DCC: variants seen among roughly 807,000 people sequenced by gnomAD.
DCC encodes netrin receptor DCC.
DCC carries 58 observed loss-of-function variants against 172.5 expected under a neutral mutation model. The observed-to-expected ratio is 0.34, with a 90% confidence interval of 0.27 to 0.42. The LOEUF (loss-of-function observed/expected upper bound fraction) is 0.42. Among genes scored for constraint, DCC ranks in the 10% least tolerant of loss-of-function variants. The pLI is 1.00. For missense variants in DCC, 1,740 were observed against 1,791.0 expected, an observed-to-expected ratio of 0.97 and a Z score of 0.51; for synonymous variants, 709 against 644.5, an observed-to-expected ratio of 1.10 and a Z score of -1.52.
intron 1 of DCC, among the ~76,000 whole-genome samples, chr18:52,488,556 C>G (rs1279880825): frequency 6.6e-6 from 1 of 151,954 alleles, no homozygotes; most frequent in African/African-American, 2.4e-5. Context: ...TAGATCTGAC[C>G]GCTGCTTTGT....
At chr18:52,818,790 A>G (rs1267277435) in intron 2 of DCC, among the ~76,000 whole-genome samples, 1 of 152,244 alleles carries the variant, frequency 6.6e-6, no homozygotes, top group African/African-American at 2.4e-5. Context: ...AACACAGATA[A>G]ATTGAAAGAG....
chr18:52,763,330 T>C (rs2037192633), intron 2 of DCC, among the ~76,000 whole-genome samples: 1 of 152,240 alleles, frequency 6.6e-6, no homozygotes, highest in Admixed American at 6.5e-5. Context: ...TGGATTTTTG[T>C]GGTCCCTTTT....
At chr18:53,334,801 G>A (rs1226542610) in intron 14 of DCC, among the ~76,000 whole-genome samples, 17 of 152,188 alleles carry the variant, frequency 1.1e-4, no homozygotes. Context: ...ATTCCATTAT[G>A]TGTATATACC....
intron 1 of DCC, among the ~76,000 whole-genome samples, chr18:52,474,854 G>A (rs1472684230): frequency 1.3e-5 from 2 of 152,158 alleles, no homozygotes; most frequent in African/African-American, 4.8e-5. Flanking sequence ...ACAGTGAAAT[G>A]GGGACCCCAA....
chr18:53,261,872 GTCT>G (rs1392333391), intron 12 of DCC, among the ~76,000 whole-genome samples: 1 of 152,126 alleles, frequency 6.6e-6, no homozygotes, highest in Non-Finnish European at 1.5e-5. Flanking sequence ...TCTTTAGCTA[GTCT>G]TCTTCAGAAA....
At chr18:53,412,624 C>T (rs1428333311) in intron 20 of DCC, among the ~76,000 whole-genome samples, 4 of 146,674 alleles carry the variant, frequency 2.7e-5, no homozygotes, top group Non-Finnish European at 6.1e-5. Context: ...GCTTAGATGT[C>T]CCGAAGCTGA....
intron 1 of DCC, among the ~76,000 whole-genome samples, chr18:52,682,676 G>A (rs770351230): frequency 1.3e-4 from 20 of 152,052 alleles, no homozygotes; most frequent in Non-Finnish European, 2.2e-4. Flanking sequence ...TAATTAACAC[G>A]AAGCAGACAA....
chr18:52,809,664 G>T (rs1437231603), intron 2 of DCC, among the ~76,000 whole-genome samples: 1 of 152,146 alleles, frequency 6.6e-6, no homozygotes, highest in Non-Finnish European at 1.5e-5. Context: ...AAACAGCAGT[G>T]GGGGACGGTG....
At chr18:52,788,803 AC>A (rs879583187) in intron 2 of DCC, among the ~76,000 whole-genome samples, 1 of 152,006 alleles carries the variant, frequency 6.6e-6, no homozygotes, top group Non-Finnish European at 1.5e-5. Flanking sequence ...GCAAAGACAG[AC>A]CCCCCAAAAA....
intron 12 of DCC, among the ~76,000 whole-genome samples, chr18:53,277,471 A>G (rs1438083866): frequency 6.6e-6 from 1 of 152,192 alleles, no homozygotes; most frequent in Non-Finnish European, 1.5e-5. Flanking sequence ...TCAACATTCC[A>G]ATAGTTGACA....
At chr18:53,124,157 C>G (rs2043521758) in intron 7 of DCC, among the ~76,000 whole-genome samples, 1 of 152,040 alleles carries the variant, frequency 6.6e-6, no homozygotes, top group African/African-American at 2.4e-5. Flanking sequence ...TTGTTCTTAA[C>G]CAATTGCTTT....
chr18:52,539,911 C>A lies in DCC; in HGVS notation c.91+199033C>A, dbSNP rs531125025. On this transcript the variant is annotated intron_variant, in intron 1 of 28. Coordinates refer to ENST00000442544, the MANE Select transcript of DCC (RefSeq NM_005215.4). ...AAAATAAACAACAACAACAAAAAAA[C>A]CCACAAAATTTAGGTATCACTAGGT... 7.9e-5 allele frequency among the ~76,000 whole-genome samples: 12 copies of A among 152,110 alleles called. No homozygotes were observed. The East Asian group carries it at 1.7e-3, about 22-fold the overall frequency.
chr18:53,090,832 A>C (rs1206510313), intron 7 of DCC, among the ~76,000 whole-genome samples: 2 of 151,068 alleles, frequency 1.3e-5, no homozygotes, highest in Non-Finnish European at 2.9e-5. Flanking sequence ...ATGTCTTAGG[A>C]CGTAGGACAA....
Position 52,807,801 on chromosome 18 carries a change from G to A in DCC, c.412+55427G>A, listed in dbSNP as rs9947462. Among the ~76,000 whole-genome samples the A allele has an allele frequency of 3.5e-3, 531 of 152,242 alleles. 8 individuals are homozygous for A. Among genetic ancestry groups the A allele is most frequent in the African/African-American group, 0.012 (501 of 41,526 alleles). ...TGCGAAATGCTGCTTTAACATAGGT[G>A]CAGATTTAAAGAGTTTAATGTGATT... On this transcript the variant is annotated intron_variant, in intron 2 of 28. Coordinates refer to ENST00000442544, the MANE Select transcript of DCC (RefSeq NM_005215.4).
At chr18:52,771,932 T>C (rs935173901) in intron 2 of DCC, among the ~76,000 whole-genome samples, 2 of 151,996 alleles carry the variant, frequency 1.3e-5, no homozygotes, top group African/African-American at 4.8e-5. Context: ...AGTGAGGCTG[T>C]TGTCTTTATT....
At chr18:52,927,247 A>G (rs926400024) in intron 5 of DCC, among the ~76,000 whole-genome samples, 1 of 137,950 alleles carries the variant, frequency 7.2e-6, no homozygotes, top group Non-Finnish European at 1.6e-5. Flanking sequence ...TTATATGTAC[A>G]TATACACATA....
intron 2 of DCC, among the ~76,000 whole-genome samples, chr18:52,826,112 A>G (rs371627930): frequency 5.6e-4 from 85 of 152,360 alleles, no homozygotes; most frequent in African/African-American, 1.9e-3. Context: ...ACATTTACTG[A>G]AGATGCTATT....
At chr18:52,638,890 C>T (rs1418400963) in intron 1 of DCC, among the ~76,000 whole-genome samples, 5 of 152,118 alleles carry the variant, frequency 3.3e-5, no homozygotes, top group Non-Finnish European at 7.4e-5. Flanking sequence ...CATCCAAGAA[C>T]CACAGAATAC....
At chr18:52,673,385 G>A (rs930791915) in intron 1 of DCC, among the ~76,000 whole-genome samples, 4 of 152,104 alleles carry the variant, frequency 2.6e-5, no homozygotes, top group African/African-American at 9.7e-5. Context: ...GAGGAATACT[G>A]GTCAGGGACT....
Sources: allele counts gnomAD v4.1 joint callset (sites outside exome capture counted in the v4.1 genomes callset), GRCh38; gene constraint gnomAD v4.1.1; transcripts MANE v1.5; gene names NCBI Gene and HGNC (gene_info 2026-07-23, HGNC 2026-07-21).